Variants in OR9Q1 observed in about 807,000 individuals in gnomAD.
The protein encoded by OR9Q1 is olfactory receptor family 9 subfamily Q member 1.
For synonymous variants in OR9Q1, 153 were observed against 148.6 expected, an observed-to-expected ratio of 1.03 and a Z score of -0.22; for missense variants, 374 against 378.8, an observed-to-expected ratio of 0.99 and a Z score of 0.11.
At chr11:58,149,137 CTCTT>C (rs1854326793) in intron 2 of OR9Q1, among the ~76,000 whole-genome samples, 1 of 152,166 alleles carries the variant, frequency 6.6e-6, no homozygotes, top group Admixed American at 6.6e-5. Context: ...AATATCTAAA[CTCTT>C]TCTAATTCTA....
chr11:58,118,909 C>CAGA, intron 2 of OR9Q1: 1 of 1,614,002 alleles, frequency 6.2e-7, no homozygotes, highest in Non-Finnish European at 8.5e-7. Flanking sequence ...TGGGAGGTCA[C>CAGA]AGAAGAAGAA....
At chr11:58,034,643 G>T (rs1853077730) in intron 1 of OR9Q1, among the ~76,000 whole-genome samples, 1 of 152,050 alleles carries the variant, frequency 6.6e-6, no homozygotes, top group South Asian at 2.1e-4. Flanking sequence ...GAGCCTTCTT[G>T]TTATTTACAT....
chr11:58,119,114 CTG>C, intron 2 of OR9Q1: 1 of 1,614,010 alleles, frequency 6.2e-7, no homozygotes, highest in Non-Finnish European at 8.5e-7. Flanking sequence ...AGAAAGCACT[CTG>C]TGCCTGCACA....
chr11:58,126,191 C>G (rs1451952285), intron 2 of OR9Q1, among the ~76,000 whole-genome samples: 1 of 152,138 alleles, frequency 6.6e-6, no homozygotes, highest in Non-Finnish European at 1.5e-5. Flanking sequence ...TTGTCTCTTC[C>G]CTCGTCTCTG....
chr11:58,180,151 CCTT>C lies in OR9Q1; in HGVS notation c.710_712del (p.Phe237del), dbSNP rs1220321596. The C allele has an allele frequency of 3.7e-6, 6 of 1,613,940 alleles. No individual in the cohort carries two copies. Among genetic ancestry groups the C allele is most frequent in the East Asian group, 4.5e-5 (2 of 44,884 alleles). On this transcript the variant is annotated inframe_deletion, in exon 3 of 3. Transcript: ENST00000335397. The stretch of plus-strand genomic sequence containing the variant: ...ATCCCTGCTGGAAGCCAGGCCAAGA[CCTT>C]CTCCACCTGCACCTCCCACCTCACT...
intron 2 of OR9Q1, among the ~76,000 whole-genome samples, chr11:58,065,868 C>T (rs750798415): frequency 4.6e-5 from 7 of 152,154 alleles, no homozygotes; most frequent in Non-Finnish European, 8.8e-5. Context: ...TTCCTACTGC[C>T]GGGTCTTGGC....
intron 2 of OR9Q1, chr11:58,119,203 A>G (rs200033836): frequency 2.3e-5 from 37 of 1,613,984 alleles, no homozygotes; most frequent in Non-Finnish European, 2.7e-5. Context: ...TGTGGCTAGG[A>G]TCTGAGGGGT....
At chr11:58,166,951 T>C (rs1482930473) in intron 2 of OR9Q1, among the ~76,000 whole-genome samples, 4 of 152,194 alleles carry the variant, frequency 2.6e-5, no homozygotes, top group Non-Finnish European at 5.9e-5. Context: ...GCTTTTAGGG[T>C]ATCCATCACC....
intron 2 of OR9Q1, among the ~76,000 whole-genome samples, chr11:58,065,641 A>G (rs1019621881): frequency 2.0e-5 from 3 of 152,192 alleles, no homozygotes; most frequent in Admixed American, 2.0e-4. Context: ...TGTGCCCATG[A>G]AGATACATCT....
At chr11:58,136,937 C>G (rs1854194786) in intron 2 of OR9Q1, among the ~76,000 whole-genome samples, 2 of 152,186 alleles carry the variant, frequency 1.3e-5, no homozygotes, top group Admixed American at 1.3e-4. Context: ...TTTTCATTTT[C>G]TCGCTTGAGC....
intron 2 of OR9Q1, among the ~76,000 whole-genome samples, chr11:58,169,015 A>G (rs573513471): frequency 6.6e-6 from 1 of 152,264 alleles, no homozygotes; most frequent in East Asian, 1.9e-4. Context: ...TATGCCTTAT[A>G]TTGTGGTCAG....
chr11:58,139,375 T>C (rs1854221033), intron 2 of OR9Q1, among the ~76,000 whole-genome samples: 1 of 152,070 alleles, frequency 6.6e-6, no homozygotes, highest in Admixed American at 6.5e-5. Flanking sequence ...GTTGGTGTGC[T>C]GCACCCATTA....
intron 1 of OR9Q1, among the ~76,000 whole-genome samples, chr11:58,048,328 G>A (rs903043503): frequency 6.6e-6 from 1 of 152,068 alleles, no homozygotes; most frequent in African/African-American, 2.4e-5. Context: ...TTGTATACAT[G>A]TACTGAAATA....
intron 2 of OR9Q1, among the ~76,000 whole-genome samples, chr11:58,100,249 A>G (rs1853770922): frequency 6.6e-6 from 1 of 152,210 alleles, no homozygotes; most frequent in Admixed American, 6.5e-5. Flanking sequence ...AAGGATCTCT[A>G]GACAGCATAT....
chr11:58,104,963 C>T (rs185439264), intron 2 of OR9Q1, among the ~76,000 whole-genome samples: 2 of 152,170 alleles, frequency 1.3e-5, no homozygotes, highest in Non-Finnish European at 2.9e-5. Flanking sequence ...CTAACCAATT[C>T]GGACTAATCC....
intron 2 of OR9Q1, chr11:58,119,162 C>G: frequency 2.5e-6 from 4 of 1,613,974 alleles, no homozygotes; most frequent in Non-Finnish European, 3.4e-6. Context: ...GCACAGTGGC[C>G]GTAGGAGATG....
intron 2 of OR9Q1, among the ~76,000 whole-genome samples, chr11:58,098,214 GA>G (rs1853750083): frequency 6.6e-6 from 1 of 152,178 alleles, no homozygotes; most frequent in East Asian, 1.9e-4. Flanking sequence ...CCGTCGTGGG[GA>G]TGGAGTGGGA....
rs373932819 is a variant in OR9Q1 at position 58,154,136 on chromosome 11, A to C, written c.-14-25295A>C. ...AGGAGGGGGAAGGAGGAGGAGGAGG[A>C]AGTTGAGAAGGAGGAAGAGGAGAAG... On this transcript the variant is annotated intron_variant, in intron 2 of 2. Coordinates refer to ENST00000335397, the MANE Select transcript of OR9Q1 (RefSeq NM_001005212.4). Among the ~76,000 whole-genome samples, 8 of 148,100 alleles carry C rather than the reference A, an allele frequency of 5.4e-5. 1 individual carries two copies. Among genetic ancestry groups the C allele is most frequent in the Admixed American group, 4.1e-4 (6 of 14,766 alleles).
At chr11:58,099,711 AT>A (rs1327665888) in intron 2 of OR9Q1, among the ~76,000 whole-genome samples, 1 of 152,136 alleles carries the variant, frequency 6.6e-6, no homozygotes. Context: ...ATCTAATGAA[AT>A]TACTGATGTG....
Sources: allele counts gnomAD v4.1 joint callset (sites outside exome capture counted in the v4.1 genomes callset), GRCh38; gene constraint gnomAD v4.1.1; transcripts MANE v1.5; gene names NCBI Gene and HGNC (gene_info 2026-07-23, HGNC 2026-07-21).